Variants in RPA2 observed in about 807,000 individuals in gnomAD.
RPA2 encodes the protein replication protein A 32 kDa subunit.
In RPA2, 22 loss-of-function variants were observed where a neutral mutation model predicts 33.4. That is an observed-to-expected ratio of 0.66 (90% CI 0.47 to 0.94). The LOEUF (loss-of-function observed/expected upper bound fraction) is 0.94, where lower values mean the gene tolerates loss of function less well. Among genes scored for constraint, RPA2 ranks in the 40% least tolerant of loss-of-function variants. The probability of loss-of-function intolerance (pLI) is 0.00; values close to 1 mark genes in which losing one functional copy is unlikely to be tolerated. For synonymous variants in RPA2, 109 were observed against 114.9 expected (o/e 0.95, Z 0.33); for missense variants, 279 against 329.9 (o/e 0.85, Z 1.19).
In RPA2 at chr1:27,914,562, G is replaced by A. The variant is rs2090146183; in HGVS notation, c.-119C>T. On this transcript the variant is annotated 5_prime_UTR_variant, in exon 1 of 9. Transcript: ENST00000373912. Reference sequence around the variant, plus strand: ...GCTACTTTTCTCTGGCACCACAAACGCCTTCCCGCGAATGGCGGAGCCAGT... The same window carrying A: ...GCTACTTTTCTCTGGCACCACAAACACCTTCCCGCGAATGGCGGAGCCAGT... The A allele has an allele frequency of 6.2e-7, 1 of 1,611,726 alleles. No individual in the cohort carries two copies. Among genetic ancestry groups the A allele is most frequent in the Non-Finnish European group, 8.5e-7 (1 of 1,179,262 alleles).
At chr1:27,907,321 A>G in intron 2 of RPA2, 39 bp from the exon 3 acceptor site, 3 of 1,505,506 alleles carry the variant, frequency 2.0e-6, no homozygotes, top group Non-Finnish European at 2.7e-6. Flanking sequence ...TTAAGAAAGT[A>G]ATAACTACCA....
chr1:27,897,791 G>A (rs916764760), intron 4 of RPA2, 84 bp from the exon 5 acceptor site: 16 of 974,172 alleles, frequency 1.6e-5, no homozygotes, highest in Non-Finnish European at 2.3e-5. Flanking sequence ...TGTATAGAAA[G>A]AGAAAGTTAC....
At position 27,900,465 on chromosome 1, in the gene RPA2, T is replaced by C. The variant is rs1239265318; in HGVS notation, c.334-2758A>G. On this transcript the variant is annotated intron_variant, in intron 4 of 8. Coordinates refer to ENST00000373912, the MANE Select transcript of RPA2 (RefSeq NM_002946.5). ...ATTGGGTGGCTGCTTAAGATTTTTT[T>C]TTTTTTTTTGAGATAAGGTCTCGCT... Among the ~76,000 whole-genome samples, 7 of 151,606 alleles carry C rather than the reference T, an allele frequency of 4.6e-5. No homozygotes were observed. The East Asian group carries it at 1.4e-3, about 29-fold the overall frequency.
At chr1:27,894,812 T>C (rs1187520844) in intron 6 of RPA2, among the ~76,000 whole-genome samples, 1 of 152,192 alleles carries the variant, frequency 6.6e-6, no homozygotes, top group South Asian at 2.1e-4. Flanking sequence ...TTCTTTCTTT[T>C]TTTTTAACCA....
intron 4 of RPA2, among the ~76,000 whole-genome samples, chr1:27,900,240 T>A (rs1279987781): frequency 1.3e-5 from 2 of 151,864 alleles, no homozygotes; most frequent in African/African-American, 4.8e-5. Context: ...GCCTCCTGAG[T>A]AGCTGGGATT....
intron 4 of RPA2, among the ~76,000 whole-genome samples, chr1:27,899,365 TGTG>T (rs2089934885): frequency 6.6e-6 from 1 of 151,250 alleles, no homozygotes; most frequent in African/African-American, 2.4e-5. Context: ...ATTAGCCAGG[TGTG>T]GTGGTGGGTG....
chr1:27,900,774 C>T (rs1449451364), intron 4 of RPA2, among the ~76,000 whole-genome samples: 1 of 152,106 alleles, frequency 6.6e-6, no homozygotes, highest in Non-Finnish European at 1.5e-5. Flanking sequence ...AAGTGATTCT[C>T]CTGCCTCACC....
Position 27,914,213 on chromosome 1 carries a change from C to T in RPA2, c.11-44G>A, listed in dbSNP as rs368016704. The stretch of plus-strand genomic sequence containing the variant: ...TTAGTGCCTGTGCCACGTCCCACGC[C>T]TCCGAGAAACCCGCAGGCTCCCGGA... On this transcript the variant is annotated intron_variant, in intron 1 of 8. Coordinates refer to ENST00000373912, the MANE Select transcript of RPA2 (RefSeq NM_002946.5). 106 of 1,611,642 alleles carry T rather than the reference C, an allele frequency of 6.6e-5. No individual in the cohort carries two copies. The African/African-American group carries it at 1.3e-3, about 20-fold the overall frequency.
intron 6 of RPA2, 54 bp downstream of exon 6, chr1:27,896,951 G>T: frequency 1.5e-6 from 2 of 1,324,860 alleles, no homozygotes; most frequent in Non-Finnish European, 2.1e-6. Context: ...GAACACAAAA[G>T]TAGCCTGTGT....
intron 4 of RPA2, among the ~76,000 whole-genome samples, chr1:27,903,301 G>A (rs28904871): frequency 0.011 from 1,360 of 120,662 alleles, 17 homozygotes; most frequent in African/African-American, 0.048. Context: ...AATAGCAAAC[G>A]ACTGAAAAGA....
intron 4 of RPA2, among the ~76,000 whole-genome samples, chr1:27,898,794 T>C (rs557135133): frequency 2.6e-5 from 4 of 152,264 alleles, no homozygotes; most frequent in African/African-American, 4.8e-5. Context: ...CCTGACCTCA[T>C]GATCCACCCG....
intron 4 of RPA2, among the ~76,000 whole-genome samples, chr1:27,905,262 T>C (rs1018965106): frequency 1.8e-4 from 28 of 152,296 alleles, no homozygotes; most frequent in African/African-American, 6.3e-4. Context: ...TACTTAATAA[T>C]CCTTTATTGC....
chr1:27,895,508 G>A (rs28905179), intron 6 of RPA2, among the ~76,000 whole-genome samples: 2,114 of 152,152 alleles, frequency 0.014, 45 homozygotes, highest in African/African-American at 0.047. Flanking sequence ...GAGGTCAGGA[G>A]ATCGAGATCA....
chr1:27,904,643 G>A (rs2064710), intron 4 of RPA2, among the ~76,000 whole-genome samples: 69,412 of 151,326 alleles, frequency 0.46, 16,899 homozygotes, highest in African/African-American at 0.64. Context: ...TTTTGAAGGA[G>A]AACCGCATTT....
At chr1:27,907,314 A>C (rs755871861) in intron 2 of RPA2, 32 bp from the exon 3 acceptor site, 10 of 1,549,596 alleles carry the variant, frequency 6.5e-6, no homozygotes, top group Non-Finnish European at 8.8e-6. Context: ...AATTCAATTA[A>C]GAAAGTAATA....
At chr1:27,892,287 C>A in intron 8 of RPA2, 40 bp from the exon 9 acceptor site, 1 of 1,562,352 alleles carries the variant, frequency 6.4e-7, no homozygotes. Context: ...ATTTTCAGGC[C>A]AATTCAGAAG....
At chr1:27,898,901 T>A (rs1435576238) in intron 4 of RPA2, among the ~76,000 whole-genome samples, 1 of 152,078 alleles carries the variant, frequency 6.6e-6, no homozygotes, top group Admixed American at 6.6e-5. Flanking sequence ...ATAAAATGTA[T>A]TACTTTAAAA....
intron 4 of RPA2, among the ~76,000 whole-genome samples, chr1:27,906,297 C>T (rs2090027596): frequency 6.6e-6 from 1 of 150,718 alleles, no homozygotes; most frequent in South Asian, 2.1e-4. Context: ...AACCTGGGGC[C>T]CAGAGGCTGC....
chr1:27,913,064 T>G (rs2090119846), intron 2 of RPA2, among the ~76,000 whole-genome samples: 1 of 152,068 alleles, frequency 6.6e-6, no homozygotes, highest in African/African-American at 2.4e-5. Context: ...GCGATTCCCC[T>G]GCTTCAGCCT....
Sources: allele counts gnomAD v4.1 joint callset (sites outside exome capture counted in the v4.1 genomes callset), GRCh38; gene constraint gnomAD v4.1.1; transcripts MANE v1.5; gene names NCBI Gene and HGNC (gene_info 2026-07-23, HGNC 2026-07-21).